Variants in LONP2 observed in about 807,000 individuals in gnomAD.
The protein encoded by LONP2 is lon protease homolog 2, peroxisomal.
A neutral mutation model predicts 85.6 loss-of-function variants in LONP2; 60 were observed. The ratio of observed to expected loss-of-function variants is 0.70; its 90% CI spans 0.57 to 0.87. The LOEUF is 0.87. Among genes scored for constraint, LONP2 ranks in the 40% least tolerant of loss-of-function variants. The pLI, the probability that LONP2 is intolerant of heterozygous loss-of-function variation, is 0.00. For missense variants in LONP2, 860 were observed against 1,063.5 expected, an observed-to-expected ratio of 0.81 and a Z score of 2.66; for synonymous variants, 395 against 389.7, an observed-to-expected ratio of 1.01 and a Z score of -0.16.
At position 48,347,509 on chromosome 16, in the gene LONP2, A is replaced by T; in HGVS notation, c.1941A>T (p.Val647=). The T allele has an allele frequency of 6.2e-7, 1 of 1,614,174 alleles. No individual in the cohort carries two copies. The highest frequency in any genetic ancestry group is 8.5e-7 in the Non-Finnish European group (1 of 1,180,022). The change falls in exon 13 of 15, where the codon GTA becomes GTT. Residue 647 remains valine (V), a splice_region_variant and synonymous_variant. Coordinates refer to ENST00000285737, the MANE Select transcript of LONP2 (RefSeq NM_031490.5). ...ILGPPMYEME[V]SQRLSQPGVA... ...CTGATCATTCTTCTTCTTTCAAGGTATCTCAGCGTTTGAGTCAGCCAGGAG... is the reference window on the plus strand; with the variant it reads ...CTGATCATTCTTCTTCTTTCAAGGTTTCTCAGCGTTTGAGTCAGCCAGGAG...
At chr16:48,256,233 A>G (rs1386261731) in intron 2 of LONP2, among the ~76,000 whole-genome samples, 1 of 152,210 alleles carries the variant, frequency 6.6e-6, no homozygotes, top group Non-Finnish European at 1.5e-5. Context: ...GCAAAATGCC[A>G]CTTTTCAGTT....
At chr16:48,307,368 TG>T (rs1972933024) in intron 11 of LONP2, among the ~76,000 whole-genome samples, 1 of 152,242 alleles carries the variant, frequency 6.6e-6, no homozygotes, top group African/African-American at 2.4e-5. Context: ...TTCTGCTTTT[TG>T]CCTGCCTTTT....
Position 48,244,488 on chromosome 16 carries a change from G to A in LONP2, c.100G>A (p.Asp34Asn). Residue 34 changes from aspartate (D) to asparagine (N), a missense_variant, in exon 1 of 15, where the codon GAC (aspartate) becomes AAC (asparagine). Physicochemically the swap from Asp to Asn is conservative, Grantham distance 23. This residue lies in a region of LONP2 where 743 missense variants were observed against 917.3 expected (regional missense o/e 0.81). Transcript: ENST00000285737. ...CGGCTCCACCATGCGCACCAGCGTG[G>A]ACTCGGCCCGCAACCTGCAGCTGGT... is the stretch of plus-strand genomic sequence containing the variant. The part of the protein sequence containing the change: ...LPGSTMRTSV[D>N]SARNLQLVRS... The A allele has an allele frequency of 7.5e-6, 12 of 1,599,698 alleles. No individual in the cohort carries two copies. The highest frequency in any genetic ancestry group is 9.3e-6 in the Non-Finnish European group (11 of 1,176,854).
intron 12 of LONP2, among the ~76,000 whole-genome samples, chr16:48,343,465 G>T (rs1043268454): frequency 2.0e-5 from 3 of 152,174 alleles, no homozygotes; most frequent in Admixed American, 6.5e-5. Context: ...TTGGGAGGCT[G>T]AGGCAGGTGG....
At chr16:48,324,739 G>A (rs1973334334) in intron 11 of LONP2, among the ~76,000 whole-genome samples, 1 of 152,080 alleles carries the variant, frequency 6.6e-6, no homozygotes, top group African/African-American at 2.4e-5. Context: ...TGGGAGAGTG[G>A]AGTTTATCCA....
chr16:48,264,458 C>T (rs1017153592), intron 6 of LONP2, among the ~76,000 whole-genome samples: 15 of 152,208 alleles, frequency 9.9e-5, no homozygotes, highest in Non-Finnish European at 1.6e-4. Flanking sequence ...GGCTCACCAG[C>T]GGTCAGAGTT....
In LONP2 at chr16:48,277,689, G is replaced by A. The variant is rs1290883510; in HGVS notation, c.1383+210G>A. ...TCCCCTTTTTTTTTATTTTCCTTTT[G>A]TATTTTAATCAGATAGTTTAACAAA... On this transcript the variant is annotated intron_variant, in intron 8 of 14. Transcript: ENST00000285737. Among the ~76,000 whole-genome samples, 3 of 150,578 alleles carry A rather than the reference G, an allele frequency of 2.0e-5. No homozygotes were observed. In the East Asian group the frequency reaches 5.8e-4, roughly 29 times the overall value.
intron 8 of LONP2, among the ~76,000 whole-genome samples, chr16:48,293,378 A>T (rs1479543645): frequency 6.6e-6 from 1 of 152,160 alleles, no homozygotes; most frequent in Non-Finnish European, 1.5e-5. Flanking sequence ...CAGTGAGCCG[A>T]GATCGCGCCA....
intron 11 of LONP2, among the ~76,000 whole-genome samples, chr16:48,325,810 T>C (rs1973357249): frequency 6.6e-6 from 1 of 152,236 alleles, no homozygotes; most frequent in African/African-American, 2.4e-5. Flanking sequence ...GTTCAACTTT[T>C]AGATTTTGAG....
At chr16:48,296,879 C>T (rs1972685194) in intron 9 of LONP2, among the ~76,000 whole-genome samples, 1 of 151,862 alleles carries the variant, frequency 6.6e-6, no homozygotes, top group Admixed American at 6.6e-5. Context: ...AAAATGTATT[C>T]CTTCAGTTAC....
chr16:48,362,602 T>C lies in LONP2; in HGVS notation c.*739T>C. ...ATTAAAAAAATAAAATTACACTGAA[T>C]GTGCACTTTATTAGGATCTGTACAC... On this transcript the variant is annotated 3_prime_UTR_variant, in exon 5 of 5. Coordinates refer to the LONP2 transcript ENST00000565867. The surrounding 1 kb of genome is among the most constrained non-coding windows in gnomAD (Gnocchi z 4.2). 1.5e-6 allele frequency: 1 copy of C among 658,160 alleles called. No individual in the cohort carries two copies. The highest frequency in any genetic ancestry group is 2.6e-6 in the Non-Finnish European group (1 of 384,300). The allele number at this position is 658,160 out of a possible 1,614,324, so 40.8% of individuals were successfully genotyped here.
At chr16:48,306,143 T>C (rs1440164957) in intron 11 of LONP2, among the ~76,000 whole-genome samples, 1 of 152,222 alleles carries the variant, frequency 6.6e-6, no homozygotes, top group African/African-American at 2.4e-5. Context: ...TTTTTATTCT[T>C]GTCTGATATA....
chr16:48,297,770 G>T (rs1420708969), intron 9 of LONP2, among the ~76,000 whole-genome samples: 1 of 151,914 alleles, frequency 6.6e-6, no homozygotes, highest in East Asian at 1.9e-4. Context: ...CACGATCTCA[G>T]CTCACTGCAA....
chr16:48,328,736 T>C (rs1325284616), intron 11 of LONP2, among the ~76,000 whole-genome samples: 1 of 148,836 alleles, frequency 6.7e-6, no homozygotes, highest in Admixed American at 6.7e-5. Flanking sequence ...TCCCAGCTAC[T>C]TGGGAGGCTG....
chr16:48,312,966 T>C (rs1318335887), intron 11 of LONP2, among the ~76,000 whole-genome samples: 2 of 152,182 alleles, frequency 1.3e-5, no homozygotes, highest in Non-Finnish European at 2.9e-5. Context: ...AAGCTCATGT[T>C]TGAGCCCCCT....
intron 14 of LONP2, among the ~76,000 whole-genome samples, chr16:48,350,111 T>C (rs1046657884): frequency 6.6e-6 from 1 of 152,152 alleles, no homozygotes. Context: ...GGAGGCTGGG[T>C]GTGGTGGCTC....
rs138706295 is a variant in LONP2 at position 48,350,661 on chromosome 16, A to C, written c.2338-920A>C. 4.6e-5 allele frequency among the ~76,000 whole-genome samples: 7 copies of C among 152,322 alleles called. No homozygotes were observed. The East Asian group carries it at 5.8e-4, about 13-fold the overall frequency. On this transcript the variant is annotated intron_variant, in intron 14 of 14. Transcript: ENST00000285737. ...TGCAACACATTACCCCAAAGCAAGA[A>C]TACTCCATACTCTTCAAGTTCCTGT...
Position 48,268,899 on chromosome 16 carries a change from A to ATAATTAATTAAAAGATATGTAT in LONP2, c.983-1100_983-1079dup, listed in dbSNP as rs1567315265. ...ATGAAATATCCTTAGCAAATTCTAAATAATTAATTAAAAGATATGTATTAA... is the reference window on the plus strand; with the variant it reads ...ATGAAATATCCTTAGCAAATTCTAAATAATTAATTAAAAGATATGTATTAATTAATTAAAAGATATGTATTAA... On this transcript the variant is annotated intron_variant, in intron 6 of 14. Coordinates refer to ENST00000285737, the MANE Select transcript of LONP2 (RefSeq NM_031490.5). Among the ~76,000 whole-genome samples the ATAATTAATTAAAAGATATGTAT allele has an allele frequency of 2.6e-5, 4 of 152,024 alleles. No homozygotes were observed. The East Asian group carries it at 7.7e-4, about 29-fold the overall frequency.
intron 8 of LONP2, among the ~76,000 whole-genome samples, chr16:48,289,745 A>T (rs1972521366): frequency 6.6e-6 from 1 of 151,326 alleles, no homozygotes; most frequent in Non-Finnish European, 1.5e-5. Flanking sequence ...TCTGGTATTT[A>T]TAAATAAAAA....
Sources: allele counts gnomAD v4.1 joint callset (sites outside exome capture counted in the v4.1 genomes callset), GRCh38; gene constraint gnomAD v4.1.1; regional missense constraint gnomAD v4.1.1; non-coding constraint Gnocchi (gnomAD v3.1); transcripts MANE v1.5; gene names NCBI Gene and HGNC (gene_info 2026-07-23, HGNC 2026-07-21).